The following FGFR2 variants were observed in gnomAD, a reference collection of about 807,000 sequenced individuals.
The protein encoded by FGFR2 is fibroblast growth factor receptor 2.
In FGFR2, 19 loss-of-function variants were observed where a neutral mutation model predicts 95.9. That is an observed-to-expected ratio of 0.20 (90% CI 0.14 to 0.29). FGFR2 has a LOEUF of 0.29. FGFR2 is among the 10% of genes least tolerant of loss of function. The pLI, the probability that FGFR2 is intolerant of heterozygous loss-of-function variation, is 1.00. For missense variants in FGFR2, 707 were observed against 1,056.9 expected (o/e 0.67, Z 4.59); for synonymous variants, 392 against 393.3 (o/e 1.00, Z 0.04).
intron 14 of FGFR2, among the ~76,000 whole-genome samples, chr10:121,487,710 G>A (rs745467891): frequency 2.6e-5 from 4 of 152,246 alleles, no homozygotes; most frequent in Non-Finnish European, 5.9e-5. Flanking sequence ...CTTCCAAGCT[G>A]TAGTTTTTGC....
chr10:121,574,796 C>T (rs1172221299), intron 2 of FGFR2, among the ~76,000 whole-genome samples: 1 of 152,158 alleles, frequency 6.6e-6, no homozygotes, highest in East Asian at 1.9e-4. Flanking sequence ...GACAAATACT[C>T]CGCACAATAT....
In FGFR2 at chr10:121,479,287, T is replaced by C. The variant is rs1844367177; in HGVS notation, c.*570A>G. ...ATTTTCCCTGAAAGCAAAAGTATTT[T>C]TCCACCTCTGCTCGGTGAAAATTAA... is the stretch of plus-strand genomic sequence containing the variant. On this transcript the variant is annotated 3_prime_UTR_variant, in exon 18 of 18. Coordinates refer to ENST00000358487, the MANE Select transcript of FGFR2 (RefSeq NM_000141.5). 2.4e-5 allele frequency: 6 copies of C among 247,008 alleles called. No homozygotes were observed. Among genetic ancestry groups the C allele is most frequent in the Non-Finnish European group, 4.7e-5 (6 of 128,152 alleles). The allele number at this position is 247,008 out of a possible 1,614,324, so 15.3% of individuals were successfully genotyped here.
intron 4 of FGFR2, among the ~76,000 whole-genome samples, chr10:121,560,929 G>C (rs540275828): frequency 6.6e-6 from 1 of 152,286 alleles, no homozygotes; most frequent in Non-Finnish European, 1.5e-5. Context: ...GGAGTTCTCA[G>C]GTGATGCTGA....
intron 2 of FGFR2, among the ~76,000 whole-genome samples, chr10:121,572,445 A>G (rs1858959176): frequency 6.6e-6 from 1 of 152,062 alleles, no homozygotes; most frequent in African/African-American, 2.4e-5. Context: ...ACATGGTGAA[A>G]CCCATCTCTA....
chr10:121,583,048 C>T (rs1209374869), intron 2 of FGFR2, among the ~76,000 whole-genome samples: 2 of 152,106 alleles, frequency 1.3e-5, no homozygotes, highest in African/African-American at 4.8e-5. Context: ...CCTAAGGACA[C>T]CCTTTCTGGC....
intron 2 of FGFR2, among the ~76,000 whole-genome samples, chr10:121,584,084 C>T (rs142339329): frequency 6.6e-6 from 1 of 152,104 alleles, no homozygotes; most frequent in African/African-American, 2.4e-5. Context: ...TGACCTCATC[C>T]ATACTGCCCC....
At position 121,485,964 on chromosome 10, in the gene FGFR2, C is replaced by T. The variant is rs569497283; in HGVS notation, c.2058-432G>A. 2.0e-5 allele frequency among the ~76,000 whole-genome samples: 3 copies of T among 152,278 alleles called. No individual in the cohort carries two copies. Among genetic ancestry groups the T allele is most frequent in the South Asian group, 2.1e-4 (1 of 4,822 alleles). On this transcript the variant is annotated intron_variant, in intron 15 of 17. Transcript: ENST00000358487. The surrounding 1 kb of genome is among the most constrained non-coding windows in gnomAD (Gnocchi z 4.2). ...GATCACAGCTGCCCTGTGTGGCTGG[C>T]GGAACATCTGCTGCACAGAGGCTCT... is the stretch of plus-strand genomic sequence containing the variant.
At chr10:121,558,838 C>T (rs369946351) in intron 4 of FGFR2, among the ~76,000 whole-genome samples, 5 of 152,080 alleles carry the variant, frequency 3.3e-5, no homozygotes, top group East Asian at 1.9e-4. Context: ...CCGCCTGCCT[C>T]GGCCTCCCAA....
At chr10:121,486,520 C>A (rs890818536) in intron 15 of FGFR2, among the ~76,000 whole-genome samples, 18 of 152,312 alleles carry the variant, frequency 1.2e-4, no homozygotes, top group African/African-American at 4.3e-4. Context: ...CAGCTCACTG[C>A]AACCTCTGAC....
At chr10:121,541,473 T>C (rs1392715422) in intron 5 of FGFR2, among the ~76,000 whole-genome samples, 1 of 152,188 alleles carries the variant, frequency 6.6e-6, no homozygotes, top group East Asian at 1.9e-4. Context: ...TTCATTACTC[T>C]ATTTCCATAT....
chr10:121,583,271 C>T (rs1024090030), intron 2 of FGFR2: 1 of 152,228 alleles, frequency 6.6e-6, no homozygotes, highest in African/African-American at 2.4e-5. Context: ...ACTTCATACC[C>T]AGTCGTAAAT....
rs1365988004 is a variant in FGFR2, at chr10:121,594,056, C to T, written c.-150-89G>A. ...GGGATAAAACCATTTTTCAGCCTCT[C>T]AAATGTGCGCAAACAGAGTTCTTTT... is the stretch of plus-strand genomic sequence containing the variant. On this transcript the variant is annotated intron_variant, in intron 1 of 17. Coordinates refer to ENST00000358487, the MANE Select transcript of FGFR2 (RefSeq NM_000141.5). 1.2e-5 allele frequency: 7 copies of T among 600,978 alleles called. No individual in the cohort carries two copies. In the South Asian group the frequency reaches 1.4e-4, roughly 12 times the overall value. 37.2% of individuals were successfully genotyped at this position (600,978 alleles called of 1,614,324 possible). A position where few individuals can be genotyped will look rare whatever the true frequency, so the allele number is the denominator to read the frequency against.
At chr10:121,596,943 T>C (rs1160237768) in intron 1 of FGFR2, among the ~76,000 whole-genome samples, 1 of 152,050 alleles carries the variant, frequency 6.6e-6, no homozygotes, top group Non-Finnish European at 1.5e-5. Flanking sequence ...TCGAGCCCGG[T>C]GGAAGATTTA....
At position 121,549,134 on chromosome 10, in the gene FGFR2, A is replaced by G. The variant is rs538704569; in HGVS notation, c.624+2156T>C. On this transcript the variant is annotated intron_variant, in intron 5 of 17. Transcript: ENST00000358487. ...ACCATGCGTTCTTAGAAACTTACTCATAGGCTGTCCCCATTTTCCTCTGAA... is the reference window on the plus strand; with the variant it reads ...ACCATGCGTTCTTAGAAACTTACTCGTAGGCTGTCCCCATTTTCCTCTGAA... 2.5e-4 allele frequency among the ~76,000 whole-genome samples: 38 copies of G among 152,264 alleles called. 1 individual carries two copies. The highest frequency in any genetic ancestry group is 8.7e-4 in the African/African-American group (36 of 41,554).
intron 13 of FGFR2, among the ~76,000 whole-genome samples, chr10:121,495,879 C>T (rs1320084457): frequency 6.6e-6 from 1 of 152,180 alleles, no homozygotes; most frequent in Non-Finnish European, 1.5e-5. Flanking sequence ...TCCAAAATGC[C>T]TCCGAGGACA....
At chr10:121,488,370 A>C (rs1203747011) in intron 13 of FGFR2, among the ~76,000 whole-genome samples, 1 of 151,864 alleles carries the variant, frequency 6.6e-6, no homozygotes, top group Non-Finnish European at 1.5e-5. Context: ...GCAAAATCCC[A>C]TCTCTGCTAA....
At chr10:121,582,448 T>C (rs1250811075) in intron 2 of FGFR2, among the ~76,000 whole-genome samples, 1 of 152,154 alleles carries the variant, frequency 6.6e-6, no homozygotes, top group Non-Finnish European at 1.5e-5. Context: ...CTGAAAGTTG[T>C]CATCGCACGG....
At position 121,488,036 on chromosome 10, in the gene FGFR2, G is replaced by A. The variant is rs35337478; in HGVS notation, c.1941C>T (p.Leu647=). The change falls in exon 14 of 18, where the codon CTC becomes CTT. Residue 647 remains leucine (L), a synonymous_variant. Transcript: ENST00000358487. ...AGTCTATATTGTTGATATCTCTGGC[G>A]AGTCCAAAGTCTGCTATTTTCATCA... The part of the protein sequence containing the change: ...NNVMKIADFG[L]ARDINNIDYY... 6,706 of 1,614,002 alleles carry A rather than the reference G, an allele frequency of 4.2e-3. 242 individuals carry two copies. The African/African-American group carries it at 0.071, about 17-fold the overall frequency.
intron 13 of FGFR2, 127 bp downstream of exon 13, chr10:121,496,405 T>C: frequency 1.0e-6 from 1 of 955,822 alleles, no homozygotes. Context: ...ACGCAATAAA[T>C]ATTTTCCAGG....
Sources: allele counts gnomAD v4.1 joint callset (sites outside exome capture counted in the v4.1 genomes callset), GRCh38; gene constraint gnomAD v4.1.1; non-coding constraint Gnocchi (gnomAD v3.1); transcripts MANE v1.5; gene names NCBI Gene and HGNC (gene_info 2026-07-23, HGNC 2026-07-21).